The following MRPS35 variants were observed in gnomAD, a reference collection of about 807,000 sequenced individuals.
The protein encoded by MRPS35 is mitochondrial ribosomal protein S35.
MRPS35 carries 29 observed loss-of-function variants against 32.7 expected under a neutral mutation model. That is an observed-to-expected ratio of 0.89 (90% CI 0.66 to 1.21). The LOEUF (loss-of-function observed/expected upper bound fraction) is 1.21. Among genes scored for constraint, MRPS35 ranks in the 50% most tolerant of loss-of-function variants. The probability of loss-of-function intolerance (pLI) is 0.00; values close to 1 mark genes in which losing one functional copy is unlikely to be tolerated. For missense variants in MRPS35, 373 were observed against 383.8 expected (o/e 0.97, Z 0.23); for synonymous variants, 148 against 139.3 (o/e 1.06, Z -0.44).
At chr12:27,726,638 T>C (rs1427193564) in intron 5 of MRPS35, among the ~76,000 whole-genome samples, 2 of 152,180 alleles carry the variant, frequency 1.3e-5, no homozygotes, top group Admixed American at 6.5e-5. Flanking sequence ...AGGCTTTCTA[T>C]TTCTCCACAT....
rs536646058 is a variant in MRPS35, at chr12:27,733,483, A to C, written c.523-1964A>C. ...TTGAAACTTTTAAATTTATTGTTAGACATTATTATGATTTCATTGAAGGGA... is the reference window on the plus strand; with the variant it reads ...TTGAAACTTTTAAATTTATTGTTAGCCATTATTATGATTTCATTGAAGGGA... On this transcript the variant is annotated intron_variant, in intron 5 of 7. Transcript: ENST00000081029. Among the ~76,000 whole-genome samples the C allele has an allele frequency of 9.5e-4, 145 of 152,198 alleles. 1 individual carries two copies. Among genetic ancestry groups the C allele is most frequent in the Non-Finnish European group, 2.0e-3 (135 of 68,048 alleles).
intron 5 of MRPS35, among the ~76,000 whole-genome samples, chr12:27,729,811 T>C (rs551948440): frequency 6.6e-6 from 1 of 151,670 alleles, no homozygotes; most frequent in South Asian, 2.1e-4. Context: ...ATCCCTACTG[T>C]TACTCACCTG....
chr12:27,724,309 T>C, intron 5 of MRPS35, 123 bp downstream of exon 5: 1 of 796,482 alleles, frequency 1.3e-6, no homozygotes, highest in Non-Finnish European at 1.7e-6. Context: ...GAGGCCAAGG[T>C]GGGAGAATTG....
chr12:27,734,556 A>G (rs1001343249), intron 5 of MRPS35, among the ~76,000 whole-genome samples: 1 of 152,232 alleles, frequency 6.6e-6, no homozygotes, highest in Middle Eastern at 3.4e-3. Flanking sequence ...TCTTGTATCA[A>G]ATGTATTCAT....
In MRPS35 at chr12:27,734,506, A is replaced by G. The variant is rs565341999; in HGVS notation, c.523-941A>G. Among the ~76,000 whole-genome samples, 6 of 152,136 alleles carry G rather than the reference A, an allele frequency of 3.9e-5. No homozygotes were observed. In the South Asian group the frequency reaches 1.2e-3, roughly 32 times the overall value. On this transcript the variant is annotated intron_variant, in intron 5 of 7. Transcript: ENST00000081029. ...TCCGCCCGCCTCGGCCTCCCAAAGT[A>G]ATGGCATTACAGGCATGAGCCACCG...
intron 6 of MRPS35, 65 bp downstream of exon 6, chr12:27,735,621 C>T (rs1328272341): frequency 2.5e-6 from 3 of 1,201,818 alleles, no homozygotes; most frequent in Non-Finnish European, 3.6e-6. Context: ...AATTCCTTGG[C>T]AGTCCTTTTT....
At chr12:27,716,676 A>C (rs535562226) in intron 3 of MRPS35, among the ~76,000 whole-genome samples, 26 of 152,330 alleles carry the variant, frequency 1.7e-4, no homozygotes, top group Non-Finnish European at 3.2e-4. Flanking sequence ...ATACTCAAAG[A>C]ATCCTAGGCA....
intron 7 of MRPS35, among the ~76,000 whole-genome samples, chr12:27,754,092 A>G (rs1453816269): frequency 6.6e-6 from 1 of 152,096 alleles, no homozygotes; most frequent in East Asian, 1.9e-4. Flanking sequence ...CAACTCTACT[A>G]AAAATACAAA....
chr12:27,715,296 T>G (rs1187242553), intron 2 of MRPS35, among the ~76,000 whole-genome samples: 1 of 152,136 alleles, frequency 6.6e-6, no homozygotes, highest in East Asian at 1.9e-4. Context: ...CCTCCATGCC[T>G]GGCTAATTTT....
chr12:27,734,594 C>T (rs2061936079), intron 5 of MRPS35, among the ~76,000 whole-genome samples: 1 of 152,134 alleles, frequency 6.6e-6, no homozygotes, highest in African/African-American at 2.4e-5. Flanking sequence ...AGCCCATGCC[C>T]TTATTCTCTG....
intron 3 of MRPS35, 22 bp downstream of exon 3, chr12:27,716,480 T>C: frequency 6.2e-7 from 1 of 1,613,432 alleles, no homozygotes; most frequent in Middle Eastern, 1.7e-4. Flanking sequence ...TGCTGATTCA[T>C]TGGCTCAGAC....
chr12:27,752,152 T>C lies in MRPS35; in HGVS notation c.703-3029T>C, dbSNP rs1052711583. On this transcript the variant is annotated intron_variant, in intron 7 of 7. Coordinates refer to ENST00000081029, the MANE Select transcript of MRPS35 (RefSeq NM_021821.4). The stretch of plus-strand genomic sequence containing the variant: ...GTCATAGTCCAGCTAATCAGGAGGC[T>C]GAGGCAGGAGGGTCCTTTGAGCACA... Among the ~76,000 whole-genome samples the C allele has an allele frequency of 2.6e-5, 4 of 151,952 alleles. No homozygotes were observed. In the East Asian group the frequency reaches 7.7e-4, roughly 29 times the overall value.
intron 6 of MRPS35, among the ~76,000 whole-genome samples, chr12:27,736,702 G>C (rs2140772582): frequency 6.6e-6 from 1 of 152,124 alleles, no homozygotes; most frequent in East Asian, 1.9e-4. Context: ...TATCCTTAAA[G>C]CTCAATGTGT....
intron 7 of MRPS35, among the ~76,000 whole-genome samples, chr12:27,740,509 A>G (rs185746082): frequency 1.2e-4 from 19 of 152,208 alleles, no homozygotes; most frequent in African/African-American, 2.4e-5. Flanking sequence ...GGCTCAGGCA[A>G]TCCATTCACC....
intron 5 of MRPS35, among the ~76,000 whole-genome samples, chr12:27,724,722 G>A (rs2140761610): frequency 6.6e-6 from 1 of 151,788 alleles, no homozygotes; most frequent in South Asian, 2.1e-4. Context: ...CAACCTGGGT[G>A]ACAGAGCGAG....
chr12:27,722,097 A>G (rs2061878853), intron 4 of MRPS35, among the ~76,000 whole-genome samples: 2 of 152,182 alleles, frequency 1.3e-5, no homozygotes, highest in Admixed American at 6.5e-5. Context: ...GAGTGGCATT[A>G]TATTTTATAG....
chr12:27,726,771 T>C (rs1354444482), intron 5 of MRPS35, among the ~76,000 whole-genome samples: 2 of 152,106 alleles, frequency 1.3e-5, no homozygotes, highest in Non-Finnish European at 1.5e-5. Flanking sequence ...TGACTATTTG[T>C]ATATGTTTGG....
intron 1 of MRPS35, among the ~76,000 whole-genome samples, chr12:27,712,048 G>A (rs74443467): frequency 0.044 from 6,723 of 151,930 alleles, 201 homozygotes; most frequent in Non-Finnish European, 0.071. Context: ...ATAAAGTAGA[G>A]TATTGAGAAT....
At chr12:27,732,445 C>T (rs753073774) in intron 5 of MRPS35, among the ~76,000 whole-genome samples, 4 of 152,192 alleles carry the variant, frequency 2.6e-5, no homozygotes, top group Non-Finnish European at 2.9e-5. Context: ...CTTCTGCTGA[C>T]TTCATGTCTG....
Sources: gnomAD v4.1 joint callset for allele counts (sites outside exome capture counted in the v4.1 genomes callset) on GRCh38, gnomAD v4.1.1 for gene constraint, MANE v1.5 for transcripts, NCBI Gene and HGNC (gene_info 2026-07-23, HGNC 2026-07-21) for gene names.